The following PROM1 variants were observed in gnomAD, a reference collection of about 807,000 sequenced individuals.
PROM1 encodes the protein prominin-1.
PROM1 carries 105 observed loss-of-function variants against 116.9 expected under a neutral mutation model. The ratio of observed to expected loss-of-function variants is 0.90; its 90% confidence interval spans 0.77 to 1.06. PROM1 has a LOEUF of 1.06. PROM1 is among the 50% of genes least tolerant of loss of function. PROM1 has a pLI of 0.00. For synonymous variants in PROM1, 393 were observed against 387.0 expected, an observed-to-expected ratio of 1.02 and a Z score of -0.18; for missense variants, 1,122 against 1,045.2, an observed-to-expected ratio of 1.07 and a Z score of -1.01.
At chr4:16,038,783 G>C (rs1578161208) in intron 3 of PROM1, among the ~76,000 whole-genome samples, 163 bp downstream of exon 3, 1 of 152,276 alleles carries the variant, frequency 6.6e-6, no homozygotes, top group East Asian at 1.9e-4. Context: ...TGGTTCAAAT[G>C]GGATTTGTAA....
intron 2 of PROM1, among the ~76,000 whole-genome samples, chr4:16,061,759 C>T (rs1200886218): frequency 1.3e-5 from 2 of 152,150 alleles, no homozygotes; most frequent in African/African-American, 4.8e-5. Flanking sequence ...GTCAACAGGG[C>T]CATGGTCCTT....
rs536665313 is a variant in PROM1, at chr4:16,018,604, T to C, written c.785-64A>G. On this transcript the variant is annotated intron_variant, in intron 8 of 27. Transcript: ENST00000447510. Reference sequence around the variant, plus strand: ...GTCCCTCCTCATCTACAAAAGTGTGTCTAAAGGGACTTGGGATGGACTGGT... The same window carrying C: ...GTCCCTCCTCATCTACAAAAGTGTGCCTAAAGGGACTTGGGATGGACTGGT... 1.6e-4 allele frequency: 228 copies of C among 1,439,694 alleles called. 4 individuals carry two copies. The South Asian group carries it at 1.8e-3, about 11-fold the overall frequency. The allele number at this position is 1,439,694 out of a possible 1,614,324, so 89.2% of individuals were successfully genotyped here.
intron 27 of PROM1, among the ~76,000 whole-genome samples, 172 bp from the exon 28 acceptor site, chr4:15,969,540 T>C (rs1312220409): frequency 6.6e-6 from 1 of 152,196 alleles, no homozygotes; most frequent in Non-Finnish European, 1.5e-5. Flanking sequence ...TGTTAAAATA[T>C]AGCAATATAG....
rs752868174 is a variant in PROM1, at chr4:16,075,864, C to T, written c.43G>A (p.Gly15Arg). ...GGCTGCCCTCCTGAAAAGGAGTTCC[C>T]GCACAGCCCCAGCAGCAACAGGGAG... ...LGSLLLLGLC[G>R]NSFSGGQPSS... The change falls in exon 2 of 28, where the codon GGG becomes AGG. Residue 15 changes from glycine to arginine, a missense_variant. Coordinates refer to ENST00000447510, the MANE Select transcript of PROM1 (RefSeq NM_006017.3). 23 of 1,613,362 alleles carry T rather than the reference C, an allele frequency of 1.4e-5. No individual in the cohort carries two copies. Among genetic ancestry groups the T allele is most frequent in the Non-Finnish European group, 1.8e-5 (21 of 1,179,746 alleles).
intron 2 of PROM1, among the ~76,000 whole-genome samples, chr4:16,048,165 G>A (rs1198386823): frequency 6.6e-6 from 1 of 151,944 alleles, no homozygotes; most frequent in African/African-American, 2.4e-5. Flanking sequence ...TCCACTCCTG[G>A]GCTCACATTT....
chr4:16,061,891 T>C (rs1260406751), intron 2 of PROM1, among the ~76,000 whole-genome samples: 5 of 14,428 alleles, frequency 3.5e-4, no homozygotes, highest in Non-Finnish European at 9.2e-4. Context: ...AAATTTCCTT[T>C]TTTTTTTTTT....
At chr4:16,013,856 T>C (rs1727575366) in intron 10 of PROM1, among the ~76,000 whole-genome samples, 1 of 152,128 alleles carries the variant, frequency 6.6e-6, no homozygotes, top group Non-Finnish European at 1.5e-5. Context: ...CACTGATCGG[T>C]ACACTATCCC....
intron 8 of PROM1, among the ~76,000 whole-genome samples, chr4:16,019,429 G>C (rs769676308): frequency 6.6e-6 from 1 of 152,196 alleles, no homozygotes; most frequent in Admixed American, 6.5e-5. Context: ...GGCAAACAAC[G>C]CATATTCTAC....
chr4:15,987,427 A>G (rs1172231652), intron 20 of PROM1, among the ~76,000 whole-genome samples: 2 of 152,256 alleles, frequency 1.3e-5, no homozygotes, highest in African/African-American at 4.8e-5. Flanking sequence ...TGCATCCTAC[A>G]CATCAAAACA....
At chr4:15,980,282 C>T in intron 24 of PROM1, 140 bp downstream of exon 24, 1 of 662,088 alleles carries the variant, frequency 1.5e-6, no homozygotes, top group Non-Finnish European at 2.6e-6. Context: ...TTCACCTGAA[C>T]AGAAGTGACC....
At chr4:15,985,387 T>C (rs1364157096) in intron 22 of PROM1, 1 of 213,614 alleles carries the variant, frequency 4.7e-6, no homozygotes, top group African/African-American at 2.4e-5. Context: ...TGAGCCTCGG[T>C]TTCCAGTTTC....
At chr4:16,058,721 A>T (rs1266142786) in intron 2 of PROM1, among the ~76,000 whole-genome samples, 1 of 152,186 alleles carries the variant, frequency 6.6e-6, no homozygotes, top group Non-Finnish European at 1.5e-5. Flanking sequence ...CCTCAGGAGT[A>T]ATTTTACAGA....
intron 26 of PROM1, among the ~76,000 whole-genome samples, chr4:15,975,984 A>G (rs1158516755): frequency 6.6e-6 from 1 of 152,246 alleles, no homozygotes; most frequent in Non-Finnish European, 1.5e-5. Context: ...AAAGTAGAAA[A>G]AAATTCAAGT....
At chr4:15,979,667 CAT>C (rs1717254278) in intron 25 of PROM1, among the ~76,000 whole-genome samples, 1 of 152,322 alleles carries the variant, frequency 6.6e-6, no homozygotes. Flanking sequence ...ATAAACTTAA[CAT>C]ATAAAATTTC....
At chr4:16,036,133 G>C (rs1317647633) in intron 3 of PROM1, among the ~76,000 whole-genome samples, 1 of 152,104 alleles carries the variant, frequency 6.6e-6, no homozygotes, top group African/African-American at 2.4e-5. Context: ...CAGAACCAAC[G>C]GCAGCATCTT....
At chr4:16,000,300 T>C (rs560703466) in intron 14 of PROM1, among the ~76,000 whole-genome samples, 196 bp downstream of exon 14, 75 of 152,338 alleles carry the variant, frequency 4.9e-4, no homozygotes, top group Middle Eastern at 6.8e-3. Flanking sequence ...TATTTTTTTT[T>C]CTCTTACAAA....
At chr4:16,009,754 A>G (rs753101683) in intron 11 of PROM1, among the ~76,000 whole-genome samples, 8 of 152,090 alleles carry the variant, frequency 5.3e-5, no homozygotes, top group Non-Finnish European at 1.2e-4. Flanking sequence ...AGCCTGACCA[A>G]CATGGCAAAA....
chr4:16,070,584 A>G (rs1239364068), intron 2 of PROM1, among the ~76,000 whole-genome samples: 1 of 152,244 alleles, frequency 6.6e-6, no homozygotes, highest in Admixed American at 6.5e-5. Context: ...TTAACAAAAG[A>G]ATCAAATGAG....
At chr4:15,989,210 A>C (rs1365967245) in intron 19 of PROM1, among the ~76,000 whole-genome samples, 5 of 152,218 alleles carry the variant, frequency 3.3e-5, no homozygotes, top group Non-Finnish European at 5.9e-5. Context: ...CTAACTCCAA[A>C]GCCCACATTC....
Sources: allele counts gnomAD v4.1 joint callset (sites outside exome capture counted in the v4.1 genomes callset), GRCh38; gene constraint gnomAD v4.1.1; transcripts MANE v1.5; gene names NCBI Gene and HGNC (gene_info 2026-07-23, HGNC 2026-07-21).